Variants in GDPD4 observed in about 807,000 individuals in gnomAD.
GDPD4 encodes the protein glycerophosphodiester phosphodiesterase domain containing 4.
In GDPD4, 60 loss-of-function variants were observed where a neutral mutation model predicts 67.8. That is an observed-to-expected ratio of 0.88 (90% confidence interval 0.72 to 1.10). The LOEUF is 1.10. Ranked by LOEUF, GDPD4 falls within the 50% of genes least tolerant of loss-of-function variation. The probability of loss-of-function intolerance (pLI) is 0.00; values close to 1 mark genes in which losing one functional copy is unlikely to be tolerated. For synonymous variants in GDPD4, 212 were observed against 210.9 expected, an observed-to-expected ratio of 1.00 and a Z score of -0.04; for missense variants, 623 against 613.9, an observed-to-expected ratio of 1.01 and a Z score of -0.16.
intron 13 of GDPD4, among the ~76,000 whole-genome samples, chr11:77,238,225 G>A (rs1426613944): frequency 7.9e-5 from 12 of 152,122 alleles, no homozygotes; most frequent in Non-Finnish European, 1.5e-4. Context: ...AAATGCATTA[G>A]AACTAAAGGT....
At chr11:77,290,876 AAAG>A (rs1372236934) in intron 1 of GDPD4, among the ~76,000 whole-genome samples, 1 of 152,194 alleles carries the variant, frequency 6.6e-6, no homozygotes, top group African/African-American at 2.4e-5. Context: ...GACAAAAAAT[AAAG>A]AAGCTGGCAA....
At chr11:77,301,441 AGG>A (rs1938156478) in intron 1 of GDPD4, among the ~76,000 whole-genome samples, 162 bp downstream of exon 1, 1 of 152,052 alleles carries the variant, frequency 6.6e-6, no homozygotes, top group Non-Finnish European at 1.5e-5. Flanking sequence ...ACTGAACAGG[AGG>A]TCCAGGCCCG....
At position 77,245,445 on chromosome 11, in the gene GDPD4, T is replaced by C; in HGVS notation, c.922A>G (p.Asn308Asp). 1 of 1,614,198 alleles carries C rather than the reference T, an allele frequency of 6.2e-7. No homozygotes were observed. The highest frequency in any genetic ancestry group is 8.5e-7 in the Non-Finnish European group (1 of 1,180,004). The change falls in exon 12 of 17, where the codon AAT (asparagine) becomes GAT (aspartate). Residue 308 changes from asparagine (N) to aspartate (D), a missense_variant. Coordinates refer to ENST00000315938, the MANE Select transcript of GDPD4 (RefSeq NM_182833.3). ...TCAGCTAGTGTTGGAATTGACTGAT[T>C]TCTTGCTCTTTCTTTATCTGCCTCT... is the stretch of plus-strand genomic sequence containing the variant. ...LSEADKERAR[N>D]QSIPTLADLL...
Position 77,230,973 on chromosome 11 carries a change from A to G in GDPD4, c.1390-1741T>C, listed in dbSNP as rs191995352. On this transcript the variant is annotated intron_variant, in intron 14 of 16. Coordinates refer to ENST00000315938, the MANE Select transcript of GDPD4 (RefSeq NM_182833.3). ...TCCACTAGGTGAACACACTCCAGCTAGCTGCCTTGAGGATGAGCGACGACA... is the reference window on the plus strand; with the variant it reads ...TCCACTAGGTGAACACACTCCAGCTGGCTGCCTTGAGGATGAGCGACGACA... Among the ~76,000 whole-genome samples, 3 of 152,278 alleles carry G rather than the reference A, an allele frequency of 2.0e-5. No individual in the cohort carries two copies. In the East Asian group the frequency reaches 5.8e-4, roughly 29 times the overall value.
At chr11:77,223,807 G>A (rs1958273738) in intron 16 of GDPD4, among the ~76,000 whole-genome samples, 1 of 152,182 alleles carries the variant, frequency 6.6e-6, no homozygotes, top group Non-Finnish European at 1.5e-5. Flanking sequence ...CAGAGGTGGA[G>A]TCTACAGAGG....
intron 11 of GDPD4, among the ~76,000 whole-genome samples, chr11:77,256,183 C>T (rs1959000413): frequency 6.6e-6 from 1 of 152,142 alleles, no homozygotes; most frequent in African/African-American, 2.4e-5. Flanking sequence ...TCTGTAAATC[C>T]TAATAAGACT....
At chr11:77,281,602 A>T (rs1959755142) in intron 3 of GDPD4, among the ~76,000 whole-genome samples, 2 of 152,218 alleles carry the variant, frequency 1.3e-5, no homozygotes, top group African/African-American at 4.8e-5. Flanking sequence ...ATAGTGTAGC[A>T]TTTGGGGTAA....
intron 11 of GDPD4, among the ~76,000 whole-genome samples, chr11:77,250,353 G>A (rs1169733244): frequency 6.6e-6 from 1 of 152,114 alleles, no homozygotes; most frequent in African/African-American, 2.4e-5. Context: ...GGTTTTCTGA[G>A]CCTGTATTAA....
chr11:77,227,778 G>C (rs977638279), intron 16 of GDPD4, 86 bp downstream of exon 16: 13 of 557,574 alleles, frequency 2.3e-5, no homozygotes, highest in Non-Finnish European at 4.3e-5. Context: ...CTCAGCTCTT[G>C]TCAGGGACAT....
chr11:77,218,271 C>T (rs1958163173), intron 16 of GDPD4, among the ~76,000 whole-genome samples: 1 of 152,128 alleles, frequency 6.6e-6, no homozygotes, highest in Admixed American at 6.5e-5. Flanking sequence ...AGTGATCAAT[C>T]ATATGCCTTC....
intron 15 of GDPD4, among the ~76,000 whole-genome samples, chr11:77,228,696 G>A (rs191552217): frequency 7.9e-5 from 12 of 151,748 alleles, no homozygotes; most frequent in African/African-American, 2.7e-4. Flanking sequence ...TCAAAAAAAC[G>A]AACAAAAAAA....
At chr11:77,231,927 G>A (rs543317225) in intron 14 of GDPD4, among the ~76,000 whole-genome samples, 121 of 152,306 alleles carry the variant, frequency 7.9e-4, no homozygotes, top group African/African-American at 2.8e-3. Flanking sequence ...ATAGTAAGAA[G>A]TCAGCGATTT....
At chr11:77,268,582 T>G (rs755023961) in intron 9 of GDPD4, 43 bp from the exon 10 acceptor site, 4 of 1,424,744 alleles carry the variant, frequency 2.8e-6, no homozygotes, top group Admixed American at 3.4e-5. Flanking sequence ...TCAGAGTCTC[T>G]CCTCCCAGCA....
intron 1 of GDPD4, among the ~76,000 whole-genome samples, chr11:77,297,729 G>A (rs1179977642): frequency 6.6e-6 from 1 of 152,092 alleles, no homozygotes; most frequent in Non-Finnish European, 1.5e-5. Context: ...TGAATCAATA[G>A]ACGTGAAGAA....
chr11:77,281,411 C>A (rs909934507), intron 3 of GDPD4, among the ~76,000 whole-genome samples: 2 of 152,124 alleles, frequency 1.3e-5, no homozygotes, highest in African/African-American at 4.8e-5. Context: ...AAACAACACA[C>A]ACAGAGGGGA....
chr11:77,301,117 C>T (rs575726290), intron 1 of GDPD4, among the ~76,000 whole-genome samples: 11 of 152,350 alleles, frequency 7.2e-5, no homozygotes, highest in African/African-American at 2.6e-4. Flanking sequence ...TCGAGAAACA[C>T]TGTTTCCTTC....
At chr11:77,251,265 T>C (rs1466399677) in intron 11 of GDPD4, among the ~76,000 whole-genome samples, 1 of 152,174 alleles carries the variant, frequency 6.6e-6, no homozygotes. Context: ...GTATAAAAGG[T>C]TTGATTTTTT....
At chr11:77,218,244 A>G (rs779909023) in intron 16 of GDPD4, among the ~76,000 whole-genome samples, 7 of 152,072 alleles carry the variant, frequency 4.6e-5, no homozygotes, top group Non-Finnish European at 7.4e-5. Context: ...TTCTCTCACT[A>G]AAGTTTTGTA....
intron 3 of GDPD4, among the ~76,000 whole-genome samples, chr11:77,282,043 G>A (rs564018472): frequency 5.3e-5 from 8 of 152,170 alleles, no homozygotes; most frequent in East Asian, 3.9e-4. Context: ...CAATAATGTC[G>A]TATGTGGTTG....
Sources: gnomAD v4.1 joint callset for allele counts (sites outside exome capture counted in the v4.1 genomes callset) on GRCh38, gnomAD v4.1.1 for gene constraint, MANE v1.5 for transcripts, NCBI Gene and HGNC (gene_info 2026-07-23, HGNC 2026-07-21) for gene names.